Variants in LRP1B observed in about 807,000 individuals in gnomAD.
The protein encoded by LRP1B is LDL receptor related protein 1B.
LRP1B carries 217 observed loss-of-function variants against 556.6 expected under a neutral mutation model. That is an observed-to-expected ratio of 0.39 (90% CI 0.35 to 0.44). The LOEUF (loss-of-function observed/expected upper bound fraction) is 0.44. LRP1B is among the 20% of genes least tolerant of loss of function. The probability of loss-of-function intolerance (pLI) is 1.00; values close to 1 mark genes in which losing one functional copy is unlikely to be tolerated. For missense variants in LRP1B, 5,053 were observed against 5,620.8 expected, an observed-to-expected ratio of 0.90 and a Z score of 3.23; for synonymous variants, 2,047 against 1,865.8, an observed-to-expected ratio of 1.10 and a Z score of -2.50.
chr2:141,359,932 G>T (rs907480070), intron 3 of LRP1B, among the ~76,000 whole-genome samples: 1 of 152,174 alleles, frequency 6.6e-6, no homozygotes, highest in Admixed American at 6.5e-5. Context: ...AGACAGTAAG[G>T]TTTGGAAGTA....
chr2:141,222,401 C>A (rs1442285673), intron 6 of LRP1B, among the ~76,000 whole-genome samples: 1 of 151,996 alleles, frequency 6.6e-6, no homozygotes, highest in Non-Finnish European at 1.5e-5. Flanking sequence ...GCCTACCAAC[C>A]AAAAAACTGC....
At chr2:141,531,977 C>CTGT (rs1559124607) in intron 2 of LRP1B, among the ~76,000 whole-genome samples, 2 of 152,102 alleles carry the variant, frequency 1.3e-5, no homozygotes, top group African/African-American at 4.8e-5. Flanking sequence ...AGAAAAGTCA[C>CTGT]TGTTTGTGCT....
chr2:140,822,679 A>G (rs1361031048), intron 31 of LRP1B, among the ~76,000 whole-genome samples: 2 of 152,190 alleles, frequency 1.3e-5, no homozygotes, highest in African/African-American at 2.4e-5. Flanking sequence ...ATTTCTTAGG[A>G]GTAAGCCAGT....
intron 83 of LRP1B, among the ~76,000 whole-genome samples, chr2:140,299,437 A>C (rs1365001402): frequency 6.6e-6 from 1 of 152,126 alleles, no homozygotes; most frequent in Non-Finnish European, 1.5e-5. Flanking sequence ...GAATGTTATT[A>C]GTTTGGTGGC....
At chr2:141,421,491 T>G (rs1201452417) in intron 3 of LRP1B, among the ~76,000 whole-genome samples, 1 of 144,628 alleles carries the variant, frequency 6.9e-6, no homozygotes, top group Non-Finnish European at 1.5e-5. Flanking sequence ...ATCCCGCCAC[T>G]GCACTCCAGC....
At chr2:141,511,418 T>C (rs1684127938) in intron 2 of LRP1B, among the ~76,000 whole-genome samples, 1 of 152,196 alleles carries the variant, frequency 6.6e-6, no homozygotes, top group African/African-American at 2.4e-5. Context: ...TTTAGATTCA[T>C]GTTTGAAATC....
At chr2:141,553,664 A>C (rs982878521) in intron 2 of LRP1B, among the ~76,000 whole-genome samples, 10 of 145,458 alleles carry the variant, frequency 6.9e-5, no homozygotes, top group African/African-American at 2.5e-4. Flanking sequence ...AATTTTATAT[A>C]TAACATATAG....
At chr2:140,506,204 C>T (rs1009528093) in intron 53 of LRP1B, among the ~76,000 whole-genome samples, 5 of 152,010 alleles carry the variant, frequency 3.3e-5, no homozygotes, top group South Asian at 2.1e-4. Flanking sequence ...TTTCAAAATA[C>T]GTTAAACCAA....
intron 11 of LRP1B, among the ~76,000 whole-genome samples, chr2:141,027,538 T>C (rs114207744): frequency 0.015 from 2,309 of 152,190 alleles, 64 homozygotes; most frequent in African/African-American, 0.052. Flanking sequence ...TGTTATAAGC[T>C]ACATGAGAAG....
intron 7 of LRP1B, among the ~76,000 whole-genome samples, chr2:141,167,045 G>A (rs1041481047): frequency 1.3e-5 from 2 of 151,804 alleles, no homozygotes; most frequent in African/African-American, 4.8e-5. Context: ...TAGGAAACTG[G>A]TTGTTACTTA....
chr2:142,085,707 T>C (rs937821064), intron 1 of LRP1B, among the ~76,000 whole-genome samples: 5 of 152,184 alleles, frequency 3.3e-5, no homozygotes, highest in South Asian at 2.1e-4. Context: ...TTTGAGATTA[T>C]ATGTGGGCTA....
At chr2:140,827,376 G>A (rs1034763127) in intron 31 of LRP1B, among the ~76,000 whole-genome samples, 2 of 151,892 alleles carry the variant, frequency 1.3e-5, no homozygotes, top group African/African-American at 4.8e-5. Context: ...AGGTAACATG[G>A]AAAATCAATT....
At chr2:140,274,009 C>G (rs1327737544) in intron 85 of LRP1B, among the ~76,000 whole-genome samples, 1 of 151,964 alleles carries the variant, frequency 6.6e-6, no homozygotes, top group Non-Finnish European at 1.5e-5. Context: ...GTCTTTTGCT[C>G]CTCCTTCAAC....
rs1057151972 is a variant in LRP1B, at chr2:140,334,567, G to C, written c.12117-8C>G. 1 of 1,505,942 alleles carries C rather than the reference G, an allele frequency of 6.6e-7. No individual in the cohort carries two copies. Among genetic ancestry groups the C allele is most frequent in the Non-Finnish European group, 9.0e-7 (1 of 1,113,922 alleles). The allele number at this position is 1,505,942 out of a possible 1,614,324, so 93.3% of individuals were successfully genotyped here. A position where few individuals can be genotyped will look rare whatever the true frequency, so the allele number is the denominator to read the frequency against. ...ACAGTCCAGTACATCATCCTGAAGA[G>C]AGCGGGTCAGAGAGGTTAGCCTGGT... On this transcript the variant is annotated splice_region_variant and splice_polypyrimidine_tract_variant and intron_variant, in intron 78 of 90. Transcript: ENST00000389484.
At chr2:140,242,662 G>C (rs755698419) in intron 87 of LRP1B, among the ~76,000 whole-genome samples, 10 of 151,034 alleles carry the variant, frequency 6.6e-5, no homozygotes, top group Non-Finnish European at 1.2e-4. Flanking sequence ...CCTCCAACTA[G>C]ATCTGGGGTG....
At chr2:141,478,688 C>T (rs1320617268) in intron 3 of LRP1B, among the ~76,000 whole-genome samples, 1 of 151,942 alleles carries the variant, frequency 6.6e-6, no homozygotes, top group Non-Finnish European at 1.5e-5. Flanking sequence ...GGAATACAGG[C>T]CCCTGCCACC....
intron 3 of LRP1B, among the ~76,000 whole-genome samples, chr2:141,376,579 C>A (rs1333353598): frequency 2.0e-5 from 3 of 152,128 alleles, no homozygotes; most frequent in Non-Finnish European, 4.4e-5. Context: ...GATCTGATCT[C>A]TTGCAATCTG....
rs1694604230 is a variant in LRP1B at position 140,917,180 on chromosome 2, AACAGTAACAACACT to A, written c.3319+5771_3319+5784del. Among the ~76,000 whole-genome samples, 4 of 152,306 alleles carry A rather than the reference AACAGTAACAACACT, an allele frequency of 2.6e-5. No homozygotes were observed. The East Asian group carries it at 7.7e-4, about 29-fold the overall frequency. On this transcript the variant is annotated intron_variant, in intron 21 of 90. Transcript: ENST00000389484. ...ACCTATCAGAATGATGAAAATCTGG[AACAGTAACAACACT>A]AAAGGTGTTCAAGGATATAGAGCAG... is the stretch of plus-strand genomic sequence containing the variant.
At chr2:140,691,862 A>C (rs1686255289) in intron 41 of LRP1B, among the ~76,000 whole-genome samples, 1 of 152,174 alleles carries the variant, frequency 6.6e-6, no homozygotes, top group Non-Finnish European at 1.5e-5. Flanking sequence ...GATGTATAGA[A>C]TAGTAGAGAG....
Sources: gnomAD v4.1 joint callset for allele counts (sites outside exome capture counted in the v4.1 genomes callset) on GRCh38, gnomAD v4.1.1 for gene constraint, MANE v1.5 for transcripts, NCBI Gene and HGNC (gene_info 2026-07-23, HGNC 2026-07-21) for gene names.